The following NRG3 variants were observed in gnomAD, a reference collection of about 807,000 sequenced individuals.
NRG3 encodes pro-neuregulin-3, membrane-bound isoform.
NRG3 carries 31 observed loss-of-function variants against 66.9 expected under a neutral mutation model. The ratio of observed to expected loss-of-function variants is 0.46; its 90% CI spans 0.35 to 0.63. The LOEUF is 0.63. Among genes scored for constraint, NRG3 ranks in the 20% least tolerant of loss-of-function variants. The pLI is 0.00. For missense variants in NRG3, 910 were observed against 878.9 expected, an observed-to-expected ratio of 1.04 and a Z score of -0.45; for synonymous variants, 393 against 359.4, an observed-to-expected ratio of 1.09 and a Z score of -1.06.
At chr10:82,525,639 G>A (rs1207288142) in intron 2 of NRG3, among the ~76,000 whole-genome samples, 1 of 151,596 alleles carries the variant, frequency 6.6e-6, no homozygotes, top group Non-Finnish European at 1.5e-5. Flanking sequence ...GGAACATCAT[G>A]CAATAATGAT....
At chr10:82,517,675 G>GTGTGTGTGTGCA (rs1845815622) in intron 2 of NRG3, among the ~76,000 whole-genome samples, 1 of 142,786 alleles carries the variant, frequency 7.0e-6, no homozygotes, top group African/African-American at 2.7e-5. Context: ...GTGTGCATGT[G>GTGTGTGTGTGCA]TGTGTGTGTG....
chr10:82,190,845 G>A (rs186557030), intron 1 of NRG3, among the ~76,000 whole-genome samples: 10 of 152,114 alleles, frequency 6.6e-5, no homozygotes, highest in African/African-American at 2.4e-4. Context: ...GCATTCCTCC[G>A]TATCTGTTTT....
intron 3 of NRG3, among the ~76,000 whole-genome samples, chr10:82,776,714 T>TA (rs1432416818): frequency 3.9e-5 from 6 of 151,962 alleles, no homozygotes; most frequent in Non-Finnish European, 1.5e-5. Context: ...TGTTGACTCT[T>TA]ACATGTACTT....
chr10:82,822,713 C>G (rs1016912120), intron 3 of NRG3, among the ~76,000 whole-genome samples: 1 of 151,998 alleles, frequency 6.6e-6, no homozygotes, highest in Non-Finnish European at 1.5e-5. Context: ...GTCCAATATG[C>G]CCTGCCTGGT....
chr10:82,519,409 T>C (rs1845987992), intron 2 of NRG3, among the ~76,000 whole-genome samples: 1 of 152,180 alleles, frequency 6.6e-6, no homozygotes. Flanking sequence ...TATAGCAGAT[T>C]GTTCTGAAAA....
At chr10:82,820,236 T>G (rs559408534) in intron 3 of NRG3, among the ~76,000 whole-genome samples, 3 of 152,220 alleles carry the variant, frequency 2.0e-5, no homozygotes, top group Non-Finnish European at 4.4e-5. Context: ...CTACAAACTT[T>G]TAACACTTAG....
In NRG3 at chr10:82,358,698, T is replaced by G. The variant is rs767980524; in HGVS notation, c.824-41T>G. 10 of 1,612,176 alleles carry G rather than the reference T, an allele frequency of 6.2e-6. No homozygotes were observed. In the Admixed American group the frequency reaches 1.7e-4, roughly 27 times the overall value. ...GTGACAGGAGTTGTTGGTGTCAGAA[T>G]GTACTGCTGACAGCGTTTCCCCCTG... On this transcript the variant is annotated intron_variant, in intron 1 of 8. Transcript: ENST00000372141.
chr10:82,014,988 C>T (rs905353758), intron 1 of NRG3, among the ~76,000 whole-genome samples: 30 of 152,120 alleles, frequency 2.0e-4, no homozygotes, highest in African/African-American at 7.0e-4. Context: ...AGTAAGCTTT[C>T]TGGGAGTCTC....
intron 3 of NRG3, among the ~76,000 whole-genome samples, chr10:82,846,378 G>T (rs2135793508): frequency 6.6e-6 from 1 of 152,218 alleles, no homozygotes; most frequent in South Asian, 2.1e-4. Context: ...TCTGAAATTT[G>T]GGGAATTATA....
intron 4 of NRG3, among the ~76,000 whole-genome samples, chr10:82,869,180 T>TTGTG (rs145543060): frequency 6.6e-6 from 1 of 152,004 alleles, no homozygotes; most frequent in East Asian, 1.9e-4. Context: ...CTAGTTCTAT[T>TTGTG]TGTGTGTGTG....
Position 82,015,125 on chromosome 10 carries a change from C to T in NRG3, c.823+138962C>T, listed in dbSNP as rs1285612326. Among the ~76,000 whole-genome samples, 5 of 152,176 alleles carry T rather than the reference C, an allele frequency of 3.3e-5. No homozygotes were observed. In the South Asian group the frequency reaches 6.2e-4, roughly 19 times the overall value. ...ATCATATAGTTTAAGAAACTCACTT[C>T]GAGGTAGGGACAACAATGTTGTAGT... On this transcript the variant is annotated intron_variant, in intron 1 of 8. Coordinates refer to ENST00000372141, the MANE Select transcript of NRG3 (RefSeq NM_001010848.4).
chr10:82,174,100 G>A (rs1044080417), intron 1 of NRG3, among the ~76,000 whole-genome samples: 1 of 152,190 alleles, frequency 6.6e-6, no homozygotes, highest in Non-Finnish European at 1.5e-5. Flanking sequence ...AATTACCCAT[G>A]TGTGGTACAT....
chr10:82,104,791 A>T (rs1283397102), intron 1 of NRG3, among the ~76,000 whole-genome samples: 1 of 152,240 alleles, frequency 6.6e-6, no homozygotes, highest in African/African-American at 2.4e-5. Context: ...GCATGTGCAT[A>T]TACACATGTA....
chr10:81,887,071 A>C (rs1842667416), intron 1 of NRG3, among the ~76,000 whole-genome samples: 1 of 152,156 alleles, frequency 6.6e-6, no homozygotes, highest in African/African-American at 2.4e-5. Flanking sequence ...TCCATGAATC[A>C]GTTCAATTAT....
intron 4 of NRG3, among the ~76,000 whole-genome samples, chr10:82,932,542 T>C (rs1236601003): frequency 1.3e-5 from 2 of 152,132 alleles, no homozygotes; most frequent in African/African-American, 4.8e-5. Context: ...TGTATGTGGA[T>C]GGCATAAAGA....
At chr10:81,896,006 T>C (rs1178557997) in intron 1 of NRG3, among the ~76,000 whole-genome samples, 2 of 152,184 alleles carry the variant, frequency 1.3e-5, no homozygotes, top group Non-Finnish European at 2.9e-5. Context: ...ATTTGGGAGC[T>C]AAATTTTATC....
chr10:82,219,192 A>T (rs888471654), intron 1 of NRG3, among the ~76,000 whole-genome samples: 1 of 150,442 alleles, frequency 6.6e-6, no homozygotes, highest in Admixed American at 6.7e-5. Flanking sequence ...CAACCTTAAC[A>T]TTATTAAATT....
intron 6 of NRG3, among the ~76,000 whole-genome samples, chr10:82,965,848 G>C (rs1414368652): frequency 1.3e-5 from 2 of 152,110 alleles, no homozygotes; most frequent in Non-Finnish European, 2.9e-5. Context: ...CTGTTTTGCT[G>C]AGTGGAGTAT....
chr10:82,381,245 G>A (rs2085597174), intron 2 of NRG3, among the ~76,000 whole-genome samples: 2 of 152,092 alleles, frequency 1.3e-5, no homozygotes, highest in African/African-American at 4.8e-5. Flanking sequence ...GTTTTTGTAT[G>A]TAATGGTGAT....
Sources: gnomAD v4.1 joint callset for allele counts (sites outside exome capture counted in the v4.1 genomes callset) on GRCh38, gnomAD v4.1.1 for gene constraint, MANE v1.5 for transcripts, NCBI Gene and HGNC (gene_info 2026-07-23, HGNC 2026-07-21) for gene names.